The following PHF14 variants were observed in gnomAD, a reference collection of about 807,000 sequenced individuals.
PHF14 encodes the protein PHD finger protein 14.
A neutral mutation model predicts 117.9 loss-of-function variants in PHF14; 55 were observed. The observed-to-expected ratio is 0.47, with a 90% CI of 0.38 to 0.58. The LOEUF is 0.58. Among genes scored for constraint, PHF14 ranks in the 20% least tolerant of loss-of-function variants. The pLI, the probability that PHF14 is intolerant of heterozygous loss-of-function variation, is 0.00. For synonymous variants in PHF14, 409 were observed against 368.6 expected (o/e 1.11, Z -1.26); for missense variants, 978 against 1,122.2 (o/e 0.87, Z 1.84).
At chr7:11,106,147 T>A in intron 16 of PHF14, 1 of 983,040 alleles carries the variant, frequency 1.0e-6, no homozygotes, top group South Asian at 4.7e-5. Context: ...ATTTTCTTGT[T>A]TCACATTTAA....
chr7:11,163,697 A>G (rs1789117425), intron 17 of PHF14, among the ~76,000 whole-genome samples: 1 of 152,116 alleles, frequency 6.6e-6, no homozygotes, highest in Non-Finnish European at 1.5e-5. Context: ...TGCCTAAAAC[A>G]TTTTCATTAT....
At chr7:11,091,961 G>C (rs1407844601) in intron 16 of PHF14, among the ~76,000 whole-genome samples, 3 of 152,160 alleles carry the variant, frequency 2.0e-5, no homozygotes, top group Admixed American at 6.5e-5. Flanking sequence ...GAAAGAATTA[G>C]GTAGGTGTCC....
At chr7:11,018,754 G>A (rs1216960643) in intron 5 of PHF14, among the ~76,000 whole-genome samples, 3 of 151,944 alleles carry the variant, frequency 2.0e-5, no homozygotes, top group Non-Finnish European at 2.9e-5. Context: ...TCTGATTGCC[G>A]GAAGCTAGGG....
At chr7:11,026,147 C>T (rs1436702997) in intron 6 of PHF14, among the ~76,000 whole-genome samples, 1 of 151,606 alleles carries the variant, frequency 6.6e-6, no homozygotes, top group Non-Finnish European at 1.5e-5. Context: ...ATTGCCACAG[C>T]CACTCCAACT....
At chr7:11,006,090 A>G (rs192721798) in intron 4 of PHF14, among the ~76,000 whole-genome samples, 1 of 152,222 alleles carries the variant, frequency 6.6e-6, no homozygotes, top group East Asian at 1.9e-4. Flanking sequence ...TTTCTTAGTC[A>G]AAAGATAAGT....
At chr7:11,123,841 C>T (rs1049341136) in intron 17 of PHF14, among the ~76,000 whole-genome samples, 1 of 147,418 alleles carries the variant, frequency 6.8e-6, no homozygotes, top group African/African-American at 2.7e-5. Context: ...TCGCTTGAAC[C>T]CAGGAGGCGG....
chr7:11,107,394 A>G (rs1787306455), intron 16 of PHF14: 1 of 848,570 alleles, frequency 1.2e-6, no homozygotes, highest in Non-Finnish European at 1.4e-6. Context: ...GTAAAAGACC[A>G]TATATTAAGC....
In PHF14 at chr7:11,035,657, C is replaced by T. The variant is rs1458568278; in HGVS notation, c.1473C>T (p.Phe491=). The part of the protein sequence containing the change: ...AAAEEDIADP[F]FAYCKQHADR... ...TTGTATAGGATATAGCAGATCCATT[C>T]TTTGCTTATTGTAAGCAACATGCAG... The change falls in exon 8 of 18, where the codon TTC becomes TTT. Residue 491 remains phenylalanine (F), a synonymous_variant. Coordinates refer to ENST00000634607, the MANE Select transcript of PHF14 (RefSeq NM_001007157.2). 2.5e-6 allele frequency: 4 copies of T among 1,608,838 alleles called. No individual in the cohort carries two copies. The Admixed American group carries it at 6.7e-5, about 27-fold the overall frequency.
intron 17 of PHF14, among the ~76,000 whole-genome samples, chr7:11,132,029 G>A (rs993433164): frequency 4.0e-5 from 6 of 151,616 alleles, no homozygotes; most frequent in Non-Finnish European, 8.8e-5. Context: ...CAGATATATG[G>A]TAAAAAGTTA....
At chr7:11,074,877 A>G (rs1280039104) in intron 16 of PHF14, among the ~76,000 whole-genome samples, 1 of 151,730 alleles carries the variant, frequency 6.6e-6, no homozygotes, top group East Asian at 1.9e-4. Flanking sequence ...TCAGCCCTCT[A>G]AACTCTTCCA....
At chr7:11,126,391 C>G (rs746720079) in intron 17 of PHF14, among the ~76,000 whole-genome samples, 1 of 152,012 alleles carries the variant, frequency 6.6e-6, no homozygotes, top group Non-Finnish European at 1.5e-5. Context: ...AGGCTAAGTG[C>G]TGTAAAGGAT....
intron 16 of PHF14, among the ~76,000 whole-genome samples, chr7:11,080,874 A>G (rs538768614): frequency 6.6e-6 from 1 of 152,286 alleles, no homozygotes; most frequent in South Asian, 2.1e-4. Context: ...TTACTAATCC[A>G]TGTGTTAATT....
chr7:11,143,450 AT>A (rs1788455918), intron 17 of PHF14, among the ~76,000 whole-genome samples: 3 of 152,060 alleles, frequency 2.0e-5, no homozygotes, highest in Middle Eastern at 3.4e-3. Context: ...CTTATCTATG[AT>A]TTATTTAATA....
intron 17 of PHF14, among the ~76,000 whole-genome samples, chr7:11,114,663 T>A (rs1787547202): frequency 6.6e-6 from 1 of 152,136 alleles, no homozygotes; most frequent in South Asian, 2.1e-4. Context: ...TTCATAAACC[T>A]AAGTAGTCAT....
At chr7:11,153,174 T>C (rs559494080) in intron 17 of PHF14, among the ~76,000 whole-genome samples, 1 of 152,322 alleles carries the variant, frequency 6.6e-6, no homozygotes, top group East Asian at 1.9e-4. Flanking sequence ...ATTAGGAAGC[T>C]ATTGGATTAA....
chr7:10,973,984 T>C lies in PHF14; in HGVS notation c.-340T>C, dbSNP rs1159521802. 2 of 264,336 alleles carry C rather than the reference T, an allele frequency of 7.6e-6. No individual in the cohort carries two copies. Among genetic ancestry groups the C allele is most frequent in the Non-Finnish European group, 1.5e-5 (2 of 135,652 alleles). The allele number at this position is 264,336 out of a possible 1,614,324, so 16.4% of individuals were successfully genotyped here. On this transcript the variant is annotated 5_prime_UTR_variant, in exon 1 of 18. Transcript: ENST00000634607. ...TTGCTTCTGGTCCAGGCTAATAAAG[T>C]TTTTCTTTCTTTAATTTTTTTTCTT...
chr7:11,013,019 T>A (rs10277283), intron 4 of PHF14, among the ~76,000 whole-genome samples: 5,036 of 152,240 alleles, frequency 0.033, 185 homozygotes, highest in African/African-American at 0.088. Context: ...GATCAAAGAC[T>A]TTTTGGTTTG....
At chr7:11,128,581 G>A (rs940590477) in intron 17 of PHF14, among the ~76,000 whole-genome samples, 2 of 151,672 alleles carry the variant, frequency 1.3e-5, no homozygotes, top group South Asian at 4.2e-4. Context: ...AAAAAGTAAG[G>A]CGCTTTCCAT....
At chr7:11,127,381 C>T (rs1787957182) in intron 17 of PHF14, among the ~76,000 whole-genome samples, 2 of 152,008 alleles carry the variant, frequency 1.3e-5, no homozygotes, top group South Asian at 4.1e-4. Context: ...GCATTATCCC[C>T]ATCCCACCAA....
Sources: allele counts gnomAD v4.1 joint callset (sites outside exome capture counted in the v4.1 genomes callset), GRCh38; gene constraint gnomAD v4.1.1; transcripts MANE v1.5; gene names NCBI Gene and HGNC (gene_info 2026-07-23, HGNC 2026-07-21).